ZMAT4: variants seen among roughly 807,000 people sequenced by gnomAD.
ZMAT4 encodes zinc finger matrin-type 4, also known as zinc finger matrin-type protein 4.
Under a neutral mutation model 28.7 loss-of-function variants are expected in ZMAT4, and 17 were observed. That is an observed-to-expected ratio of 0.59 (90% CI 0.41 to 0.89). ZMAT4 has a LOEUF of 0.89. ZMAT4 is among the 40% of genes least tolerant of loss of function. ZMAT4 has a pLI of 0.00. For missense variants in ZMAT4, 240 were observed against 283.8 expected (o/e 0.85, Z 1.11); for synonymous variants, 117 against 109.2 (o/e 1.07, Z -0.44).
intron 1 of ZMAT4, among the ~76,000 whole-genome samples, chr8:40,881,497 AAG>A (rs1380583056): frequency 4.4e-5 from 6 of 136,644 alleles, no homozygotes; most frequent in Admixed American, 3.8e-4. Context: ...GAAAGAAAGA[AAG>A]AGGAAGGAAG....
intron 5 of ZMAT4, among the ~76,000 whole-genome samples, chr8:40,610,937 A>AT (rs56980207): frequency 0.64 from 94,098 of 146,286 alleles, 33,121 homozygotes; most frequent in Non-Finnish European, 0.81. Context: ...GCCCTTTTGC[A>AT]TTTTTTTTTT....
At chr8:40,862,245 A>C (rs931467127) in intron 1 of ZMAT4, among the ~76,000 whole-genome samples, 10 of 152,186 alleles carry the variant, frequency 6.6e-5, no homozygotes, top group African/African-American at 2.4e-4. Flanking sequence ...CAGCCATAAA[A>C]AAGGATGAGT....
At chr8:40,865,483 G>A (rs1445324379) in intron 1 of ZMAT4, among the ~76,000 whole-genome samples, 1 of 152,162 alleles carries the variant, frequency 6.6e-6, no homozygotes, top group East Asian at 1.9e-4. Context: ...TCAGCCTCTG[G>A]GAAACCCTAT....
At chr8:40,563,825 A>T (rs1341923849) in intron 6 of ZMAT4, among the ~76,000 whole-genome samples, 1 of 151,978 alleles carries the variant, frequency 6.6e-6, no homozygotes, top group African/African-American at 2.4e-5. Context: ...CTGTTCCTTG[A>T]CTCTGAAAAC....
In ZMAT4 at chr8:40,767,691, G is replaced by C. The variant is rs377637322; in HGVS notation, c.142C>G (p.Leu48Val). 2.5e-6 allele frequency: 4 copies of C among 1,613,240 alleles called. No individual in the cohort carries two copies. Among genetic ancestry groups the C allele is most frequent in the Non-Finnish European group, 3.4e-6 (4 of 1,179,748 alleles). The change falls in exon 3 of 7, where the codon CTT becomes GTT. Residue 48 changes from leucine (L) to valine (V), a missense_variant. Leu to Val is a conservative substitution (Grantham distance 32). Coordinates refer to ENST00000297737, the MANE Select transcript of ZMAT4 (RefSeq NM_024645.3). ...HASKVRLYYM[L>V]HPRDGGCPAK... ...GGACACCCTCCATCCCTGGGGTGAA[G>C]CATGTAATACAGTCGGACTTTGCTT...
chr8:40,863,712 C>T (rs1672327530), intron 1 of ZMAT4, among the ~76,000 whole-genome samples: 1 of 152,130 alleles, frequency 6.6e-6, no homozygotes, highest in African/African-American at 2.4e-5. Context: ...TGAGGACAGT[C>T]ATTGATGAGG....
chr8:40,540,598 CT>C (rs1421127588), intron 6 of ZMAT4, among the ~76,000 whole-genome samples: 1 of 152,152 alleles, frequency 6.6e-6, no homozygotes, highest in African/African-American at 2.4e-5. Flanking sequence ...TCTGACATTC[CT>C]TCTAGGTATT....
chr8:40,694,265 G>A (rs1480156261), intron 4 of ZMAT4, among the ~76,000 whole-genome samples: 3 of 152,138 alleles, frequency 2.0e-5, no homozygotes, highest in African/African-American at 4.8e-5. Context: ...GATAATTCAG[G>A]AGGCCATAGT....
intron 3 of ZMAT4, among the ~76,000 whole-genome samples, chr8:40,732,321 C>A (rs1811575907): frequency 6.6e-6 from 1 of 152,180 alleles, no homozygotes; most frequent in Non-Finnish European, 1.5e-5. Context: ...TCAGACCCTG[C>A]AGCAGGTACT....
intron 1 of ZMAT4, among the ~76,000 whole-genome samples, chr8:40,880,055 C>T (rs1170526824): frequency 6.6e-6 from 1 of 152,084 alleles, no homozygotes; most frequent in Non-Finnish European, 1.5e-5. Flanking sequence ...AGGATAGGAT[C>T]CTAGAACTAA....
chr8:40,693,797 T>C (rs1354945559), intron 4 of ZMAT4, among the ~76,000 whole-genome samples: 1 of 152,182 alleles, frequency 6.6e-6, no homozygotes, highest in Non-Finnish European at 1.5e-5. Flanking sequence ...AGAAGGCGAC[T>C]CAAGTTGCAA....
chr8:40,584,308 A>C (rs1392162202), intron 5 of ZMAT4, among the ~76,000 whole-genome samples: 2 of 152,142 alleles, frequency 1.3e-5, no homozygotes, highest in African/African-American at 4.8e-5. Flanking sequence ...GAGGGCAAAG[A>C]AGAAAAGCAA....
intron 2 of ZMAT4, among the ~76,000 whole-genome samples, chr8:40,770,958 T>G (rs775822247): frequency 1.3e-5 from 2 of 152,108 alleles, no homozygotes; most frequent in Non-Finnish European, 2.9e-5. Context: ...CAATTTATTC[T>G]AAAAAACAAA....
chr8:40,573,005 AACCT>A (rs761543159), intron 6 of ZMAT4, among the ~76,000 whole-genome samples: 7 of 152,252 alleles, frequency 4.6e-5, no homozygotes, highest in Admixed American at 3.3e-4. Context: ...TCAATTTTCT[AACCT>A]ATAACCTGAA....
Position 40,674,944 on chromosome 8 carries a change from A to G in ZMAT4, c.350-13T>C. On this transcript the variant is annotated splice_polypyrimidine_tract_variant and intron_variant, in intron 4 of 6. Transcript: ENST00000297737. ...CTCAGGGGTGTTGCTGTGAAAGGAAACAACCAGAGAACCACAGCCACGTTA... is the reference window on the plus strand; with the variant it reads ...CTCAGGGGTGTTGCTGTGAAAGGAAGCAACCAGAGAACCACAGCCACGTTA... 1 of 1,607,254 alleles carries G rather than the reference A, an allele frequency of 6.2e-7. No homozygotes were observed. The highest frequency in any genetic ancestry group is 8.5e-7 in the Non-Finnish European group (1 of 1,176,438).
Position 40,688,411 on chromosome 8 carries a change from G to A in ZMAT4, c.349+8834C>T, listed in dbSNP as rs906453849. On this transcript the variant is annotated intron_variant, in intron 4 of 6. Coordinates refer to ENST00000297737, the MANE Select transcript of ZMAT4 (RefSeq NM_024645.3). ...GCAGAGGTTGCAGAGAACTGAGATGGCACCACTGCACTCCAGCCTGGGTGA... is the reference window on the plus strand; with the variant it reads ...GCAGAGGTTGCAGAGAACTGAGATGACACCACTGCACTCCAGCCTGGGTGA... 3.3e-5 allele frequency among the ~76,000 whole-genome samples: 5 copies of A among 152,032 alleles called. No individual in the cohort carries two copies. The East Asian group carries it at 5.8e-4, about 18-fold the overall frequency.
At chr8:40,583,491 G>C (rs1804562070) in intron 5 of ZMAT4, among the ~76,000 whole-genome samples, 1 of 152,184 alleles carries the variant, frequency 6.6e-6, no homozygotes, top group Admixed American at 6.5e-5. Flanking sequence ...GGTGCTTAAA[G>C]TGATACCAGA....
chr8:40,838,708 T>A (rs1439253568), intron 1 of ZMAT4, among the ~76,000 whole-genome samples: 1 of 151,770 alleles, frequency 6.6e-6, no homozygotes, highest in Non-Finnish European at 1.5e-5. Context: ...CCTAACACCC[T>A]CTCACGCTTG....
intron 2 of ZMAT4, among the ~76,000 whole-genome samples, chr8:40,823,104 A>G (rs767523974): frequency 3.9e-5 from 6 of 152,114 alleles, no homozygotes; most frequent in Non-Finnish European, 8.8e-5. Flanking sequence ...AGTGTGGGGC[A>G]GGGTCACCAG....
Sources: gnomAD v4.1 joint callset for allele counts (sites outside exome capture counted in the v4.1 genomes callset) on GRCh38, gnomAD v4.1.1 for gene constraint, MANE v1.5 for transcripts, NCBI Gene and HGNC (gene_info 2026-07-23, HGNC 2026-07-21) for gene names.